Variants in CTIF observed in about 807,000 individuals in gnomAD.
The protein encoded by CTIF is cap binding complex dependent translation initiation factor.
A neutral mutation model predicts 66.0 loss-of-function variants in CTIF; 21 were observed. That is an observed-to-expected ratio of 0.32 (90% CI 0.23 to 0.46). The LOEUF (loss-of-function observed/expected upper bound fraction) is 0.46, where lower values mean the gene tolerates loss of function less well. CTIF is among the 20% of genes least tolerant of loss of function. The pLI is 1.00. For synonymous variants in CTIF, 345 were observed against 326.4 expected, an observed-to-expected ratio of 1.06 and a Z score of -0.62; for missense variants, 739 against 812.7, an observed-to-expected ratio of 0.91 and a Z score of 1.10.
intron 7 of CTIF, among the ~76,000 whole-genome samples, chr18:48,725,400 C>G (rs1026245017): frequency 6.6e-6 from 1 of 152,184 alleles, no homozygotes; most frequent in African/African-American, 2.4e-5. Context: ...ATCCCAATTC[C>G]TGTCCCAACG....
chr18:48,667,744 G>A (rs756407661), intron 5 of CTIF, among the ~76,000 whole-genome samples: 21 of 152,230 alleles, frequency 1.4e-4, no homozygotes, highest in South Asian at 4.1e-4. Context: ...CTCACCAGGA[G>A]CCTCCAGATT....
intron 10 of CTIF, among the ~76,000 whole-genome samples, chr18:48,830,588 A>G (rs78727435): frequency 0.049 from 7,439 of 152,324 alleles, 441 homozygotes; most frequent in East Asian, 0.33. Context: ...CATATTTTAT[A>G]TTGTATAAAC....
intron 1 of CTIF, among the ~76,000 whole-genome samples, chr18:48,607,887 T>G (rs936600819): frequency 2.0e-5 from 3 of 152,176 alleles, no homozygotes; most frequent in Non-Finnish European, 2.9e-5. Flanking sequence ...GTCTGGAGCC[T>G]TTTTTTCTTT....
chr18:48,703,373 C>G (rs1234881726), intron 6 of CTIF, among the ~76,000 whole-genome samples: 1 of 152,136 alleles, frequency 6.6e-6, no homozygotes, highest in Non-Finnish European at 1.5e-5. Flanking sequence ...CTGCCTGGGA[C>G]CTCCCACCCC....
intron 6 of CTIF, among the ~76,000 whole-genome samples, chr18:48,689,179 C>T (rs1000528356): frequency 6.6e-6 from 1 of 152,262 alleles, no homozygotes; most frequent in African/African-American, 2.4e-5. Flanking sequence ...GTTCTCTGTT[C>T]TGCATACTGG....
At chr18:48,803,444 A>C (rs550338910) in intron 9 of CTIF, among the ~76,000 whole-genome samples, 17 of 152,170 alleles carry the variant, frequency 1.1e-4, no homozygotes, top group Non-Finnish European at 2.9e-5. Flanking sequence ...CTCTCTCTTC[A>C]TTCTTTTGGA....
rs138125305 is a variant in CTIF, at chr18:48,728,739, TGAGAGAGA to T, written c.584+17061_584+17068del. 1.3e-3 allele frequency among the ~76,000 whole-genome samples: 185 copies of T among 139,204 alleles called. 5 individuals carry two copies. In the East Asian group the frequency reaches 0.031, roughly 23 times the overall value. The allele number at this position is 139,204 out of a possible 152,430, so 91.3% of individuals were successfully genotyped here. ...GCCTGTGAAGGAGGGAGGGGGAGAG[TGAGAGAGA>T]GAGAGAGAGAGAGAGAAGGAAAGAG... On this transcript the variant is annotated intron_variant, in intron 7 of 11. Transcript: ENST00000256413.
intron 6 of CTIF, among the ~76,000 whole-genome samples, chr18:48,677,853 A>G (rs2091659565): frequency 1.3e-5 from 2 of 152,150 alleles, no homozygotes; most frequent in Admixed American, 1.3e-4. Flanking sequence ...CTTAGTCCAG[A>G]ACTTGTGCCT....
At chr18:48,814,423 T>G (rs2068320631) in intron 9 of CTIF, among the ~76,000 whole-genome samples, 3 of 152,282 alleles carry the variant, frequency 2.0e-5, no homozygotes, top group Non-Finnish European at 2.9e-5. Flanking sequence ...GTGACTCCAA[T>G]GTACAACCAG....
chr18:48,791,119 A>G (rs2067783955), intron 9 of CTIF, among the ~76,000 whole-genome samples: 1 of 152,234 alleles, frequency 6.6e-6, no homozygotes, highest in African/African-American at 2.4e-5. Flanking sequence ...GCTCAGGCCC[A>G]GAGAGGGGTT....
intron 7 of CTIF, among the ~76,000 whole-genome samples, chr18:48,745,874 C>T (rs1253170995): frequency 6.6e-6 from 1 of 152,196 alleles, no homozygotes; most frequent in Admixed American, 6.5e-5. Flanking sequence ...TCACCATGGC[C>T]CCATCAGTTC....
intron 6 of CTIF, among the ~76,000 whole-genome samples, chr18:48,685,377 C>T (rs1273668759): frequency 6.6e-6 from 1 of 152,070 alleles, no homozygotes; most frequent in Non-Finnish European, 1.5e-5. Flanking sequence ...CACATGCCAC[C>T]ACGCCCGGCT....
At chr18:48,751,254 T>C (rs1907782856) in intron 7 of CTIF, among the ~76,000 whole-genome samples, 1 of 152,164 alleles carries the variant, frequency 6.6e-6, no homozygotes, top group African/African-American at 2.4e-5. Context: ...TCTCAATAGC[T>C]TTTGAACCAG....
At chr18:48,782,387 T>C (rs1405912523) in intron 9 of CTIF, among the ~76,000 whole-genome samples, 1 of 152,114 alleles carries the variant, frequency 6.6e-6, no homozygotes, top group Non-Finnish European at 1.5e-5. Context: ...TTTCCTCTCC[T>C]GAGCCTCTGC....
chr18:48,719,444 A>G (rs1314002468), intron 7 of CTIF, among the ~76,000 whole-genome samples: 1 of 152,188 alleles, frequency 6.6e-6, no homozygotes, highest in African/African-American at 2.4e-5. Flanking sequence ...TCGGAGTCCT[A>G]TATCTATACA....
At chr18:48,795,453 G>A (rs2067893734) in intron 9 of CTIF, among the ~76,000 whole-genome samples, 1 of 152,234 alleles carries the variant, frequency 6.6e-6, no homozygotes, top group Non-Finnish European at 1.5e-5. Context: ...CTAACCAGGA[G>A]TATTTTAAGG....
At chr18:48,671,612 G>C (rs1183807879) in intron 6 of CTIF, among the ~76,000 whole-genome samples, 1 of 150,610 alleles carries the variant, frequency 6.6e-6, no homozygotes, top group Non-Finnish European at 1.5e-5. Flanking sequence ...GATGTGCCTT[G>C]GTGTGGTGGT....
chr18:48,811,952 C>T (rs2068265982), intron 9 of CTIF, among the ~76,000 whole-genome samples: 1 of 151,988 alleles, frequency 6.6e-6, no homozygotes, highest in Non-Finnish European at 1.5e-5. Flanking sequence ...TTTGATTTTT[C>T]GAAGAATCAC....
At chr18:48,677,615 G>A (rs2091652980) in intron 6 of CTIF, among the ~76,000 whole-genome samples, 1 of 152,148 alleles carries the variant, frequency 6.6e-6, no homozygotes, top group Non-Finnish European at 1.5e-5. Flanking sequence ...GATGTCTTTG[G>A]TCGGATGTAA....
Sources: allele counts gnomAD v4.1 joint callset (sites outside exome capture counted in the v4.1 genomes callset), GRCh38; gene constraint gnomAD v4.1.1; transcripts MANE v1.5; gene names NCBI Gene and HGNC (gene_info 2026-07-23, HGNC 2026-07-21).